The following MBP variants were observed in gnomAD, a reference collection of about 807,000 sequenced individuals.
The protein encoded by MBP is Golli-MBP.
A neutral mutation model predicts 35.8 loss-of-function variants in MBP; 16 were observed. The ratio of observed to expected loss-of-function variants is 0.45; its 90% CI spans 0.30 to 0.68. MBP has a LOEUF of 0.68. Among genes scored for constraint, MBP ranks in the 30% least tolerant of loss-of-function variants. The pLI is 0.08. For missense variants in MBP, 380 were observed against 404.7 expected (o/e 0.94, Z 0.52); for synonymous variants, 143 against 159.6 (o/e 0.90, Z 0.78).
chr18:77,119,847 G>A (rs998888310), intron 1 of MBP, among the ~76,000 whole-genome samples: 1 of 152,228 alleles, frequency 6.6e-6, no homozygotes, highest in African/African-American at 2.4e-5. Flanking sequence ...GGTCGTGGCT[G>A]TGGACCAGCT....
At chr18:77,120,233 C>T (rs1458458099) in intron 1 of MBP, among the ~76,000 whole-genome samples, 3 of 152,250 alleles carry the variant, frequency 2.0e-5, no homozygotes, top group African/African-American at 7.2e-5. Context: ...TAGGCTTCTC[C>T]CAACGCTGGC....
intron 4 of MBP, among the ~76,000 whole-genome samples, chr18:77,001,910 A>G (rs1970659255): frequency 6.6e-6 from 1 of 152,212 alleles, no homozygotes; most frequent in Admixed American, 6.5e-5. Flanking sequence ...CCCTCCCCTC[A>G]TGATAGTGTT....
At chr18:77,070,033 A>G (rs1974372489) in intron 2 of MBP, among the ~76,000 whole-genome samples, 1 of 149,820 alleles carries the variant, frequency 6.7e-6, no homozygotes, top group African/African-American at 2.5e-5. Context: ...GAGACCCGAT[A>G]TTGCTATTCC....
rs1555726071 is a variant in MBP at position 77,081,819 on chromosome 18, T to TATATATACACACACTATATACACAC, written c.52-15435_52-15434insGTGTGTATATAGTGTGTGTATATAT. Among the ~76,000 whole-genome samples, 10 of 76,282 alleles carry TATATATACACACACTATATACACAC rather than the reference T, an allele frequency of 1.3e-4. No individual in the cohort carries two copies. The East Asian group carries it at 2.3e-3, about 18-fold the overall frequency. 50.0% of individuals were successfully genotyped at this position (76,282 alleles called of 152,430 possible). On this transcript the variant is annotated intron_variant, in intron 2 of 8. Coordinates refer to ENST00000355994, the MANE Select transcript of MBP (RefSeq NM_001025101.2). Reference sequence around the variant, plus strand: ...GTATATATATATGCACACACATATATACACACACACACACACACACACATA... The same window carrying TATATATACACACACTATATACACAC: ...GTATATATATATGCACACACATATATATATATACACACACTATATACACACACACACACACACACACACACACATA...
intron 2 of MBP, among the ~76,000 whole-genome samples, chr18:77,070,081 C>T (rs576831960): frequency 6.6e-6 from 1 of 152,242 alleles, no homozygotes; most frequent in African/African-American, 2.4e-5. Context: ...AACACATTTC[C>T]TGTAAGCAAA....
intron 3 of MBP, among the ~76,000 whole-genome samples, chr18:77,060,354 G>A (rs1973919239): frequency 6.6e-6 from 1 of 151,758 alleles, no homozygotes; most frequent in African/African-American, 2.4e-5. Context: ...GCTAATGAAC[G>A]GCAGCACTCA....
chr18:76,984,918 C>G, intron 7 of MBP, 24 bp from the exon 8 acceptor site: 1 of 1,611,294 alleles, frequency 6.2e-7, no homozygotes, highest in Non-Finnish European at 8.5e-7. Context: ...CCACGGAGCT[C>G]AACCTCCACC....
Position 77,017,169 on chromosome 18 carries a change from G to A in MBP, c.239C>T (p.Ala80Val), listed in dbSNP as rs868032492. 5 of 1,547,300 alleles carry A rather than the reference G, an allele frequency of 3.2e-6. No homozygotes were observed. The highest frequency in any genetic ancestry group is 3.5e-6 in the Non-Finnish European group (4 of 1,145,784). Residue 80 changes from alanine to valine, a missense_variant, in exon 4 of 9, where the codon GCC becomes GTC. Transcript: ENST00000355994. ...TADPKNAWQD[A>V]HPADPGSRPH... ...GCGGCTCCCTGGGTCAGCTGGGTGG[G>A]CATCCTGCCAGGCATTCTTCGGGTC...
At chr18:77,022,128 C>T (rs1972013124) in intron 3 of MBP, among the ~76,000 whole-genome samples, 1 of 152,326 alleles carries the variant, frequency 6.6e-6, no homozygotes, top group African/African-American at 2.4e-5. Context: ...AGAAACTGCC[C>T]TGTAAGTGAG....
chr18:77,045,849 G>C (rs1014369726), intron 3 of MBP, among the ~76,000 whole-genome samples: 1 of 152,222 alleles, frequency 6.6e-6, no homozygotes, highest in African/African-American at 2.4e-5. Context: ...CTGACATCCT[G>C]GAAAGTGGAT....
chr18:76,990,157 A>ATTTT (rs35688328), intron 4 of MBP, 97 bp from the exon 5 acceptor site: 4 of 605,012 alleles, frequency 6.6e-6, no homozygotes, highest in African/African-American at 4.0e-5. Flanking sequence ...TGTAATCTGG[A>ATTTT]TTTTTTTTTT....
intron 3 of MBP, among the ~76,000 whole-genome samples, chr18:77,025,455 C>T (rs552624169): frequency 2.6e-5 from 4 of 152,264 alleles, no homozygotes; most frequent in African/African-American, 7.2e-5. Flanking sequence ...GACATCGATA[C>T]GTTAATGACT....
At chr18:77,042,345 C>G (rs1193723690) in intron 3 of MBP, among the ~76,000 whole-genome samples, 2 of 152,212 alleles carry the variant, frequency 1.3e-5, no homozygotes, top group African/African-American at 4.8e-5. Flanking sequence ...CTGGGCACCA[C>G]GCTTTGAGCC....
At chr18:77,079,943 C>T (rs1974824083) in intron 2 of MBP, among the ~76,000 whole-genome samples, 1 of 152,120 alleles carries the variant, frequency 6.6e-6, no homozygotes, top group Non-Finnish European at 1.5e-5. Flanking sequence ...GGTTCTTCAC[C>T]AACTAGAGTG....
intron 1 of MBP, among the ~76,000 whole-genome samples, chr18:77,132,073 C>T (rs1416312423): frequency 1.3e-5 from 2 of 152,138 alleles, no homozygotes; most frequent in Admixed American, 6.5e-5. Flanking sequence ...GAGGACCCCC[C>T]AGCCCGCCCT....
chr18:77,013,832 T>A, intron 4 of MBP: 1 of 985,476 alleles, frequency 1.0e-6, no homozygotes. Context: ...AGCTTAGGTG[T>A]CTTGTGAAAC....
At chr18:77,093,668 G>A (rs746610458) in intron 2 of MBP, among the ~76,000 whole-genome samples, 1 of 152,164 alleles carries the variant, frequency 6.6e-6, no homozygotes, top group Admixed American at 6.5e-5. Context: ...CGTTTGAGAG[G>A]CTGCTATCAA....
At position 76,992,505 on chromosome 18, in the gene MBP, C is replaced by T. The variant is rs542820079; in HGVS notation, c.577-2445G>A. Among the ~76,000 whole-genome samples, 8 of 152,304 alleles carry T rather than the reference C, an allele frequency of 5.3e-5. No individual in the cohort carries two copies. In the East Asian group the frequency reaches 1.4e-3, roughly 26 times the overall value. On this transcript the variant is annotated intron_variant, in intron 4 of 8. Transcript: ENST00000355994. Reference sequence around the variant, plus strand: ...CCCTTCTTTAAACGTTTCTTGCCCTCACCCCCAGACTACTAACAGCTCCCC... The same window carrying T: ...CCCTTCTTTAAACGTTTCTTGCCCTTACCCCCAGACTACTAACAGCTCCCC...
chr18:77,008,769 C>T (rs921543096), intron 4 of MBP, among the ~76,000 whole-genome samples: 4 of 152,214 alleles, frequency 2.6e-5, no homozygotes, highest in African/African-American at 4.8e-5. Flanking sequence ...TGGCCCGCGG[C>T]GGTGCAGCCC....
Sources: gnomAD v4.1 joint callset for allele counts (sites outside exome capture counted in the v4.1 genomes callset) on GRCh38, gnomAD v4.1.1 for gene constraint, MANE v1.5 for transcripts, NCBI Gene and HGNC (gene_info 2026-07-23, HGNC 2026-07-21) for gene names.